TLL2: variants seen among roughly 807,000 people sequenced by gnomAD.
TLL2 encodes the protein tolloid-like protein 2.
In TLL2, 106 loss-of-function variants were observed where a neutral mutation model predicts 123.0. That is an observed-to-expected ratio of 0.86 (90% CI 0.74 to 1.01). TLL2 has a LOEUF of 1.01. Among genes scored for constraint, TLL2 ranks in the 50% least tolerant of loss-of-function variants. TLL2 has a pLI of 0.00. For synonymous variants in TLL2, 494 were observed against 516.8 expected, an observed-to-expected ratio of 0.96 and a Z score of 0.60; for missense variants, 1,332 against 1,336.7, an observed-to-expected ratio of 1.00 and a Z score of 0.06.
At chr10:96,494,617 G>A (rs11188797) in intron 1 of TLL2, among the ~76,000 whole-genome samples, 75,209 of 151,860 alleles carry the variant, frequency 0.5, 19,085 homozygotes, top group East Asian at 0.69. Context: ...CTTCCTACCC[G>A]TGGACCTAAT....
intron 1 of TLL2, among the ~76,000 whole-genome samples, chr10:96,489,430 G>A (rs1403154200): frequency 6.6e-6 from 1 of 152,194 alleles, no homozygotes; most frequent in Non-Finnish European, 1.5e-5. Flanking sequence ...ATGGGAGGCT[G>A]AGGCAGGAGG....
intron 8 of TLL2, among the ~76,000 whole-genome samples, chr10:96,411,257 C>CAAAAAAAAAAAAAAAAAAAA (rs56011735): frequency 1.1e-5 from 1 of 95,172 alleles, no homozygotes; most frequent in African/African-American, 4.4e-5. Context: ...GACTCTGTCT[C>CAAAAAAAAAAAAAAAAAAAA]AAAAAAAAAA....
intron 2 of TLL2, among the ~76,000 whole-genome samples, chr10:96,465,082 C>T (rs762036059): frequency 1.3e-5 from 2 of 152,208 alleles, no homozygotes; most frequent in Non-Finnish European, 2.9e-5. Context: ...AAGAGACCAA[C>T]TCCAGTCCTC....
intron 15 of TLL2, among the ~76,000 whole-genome samples, chr10:96,385,849 G>A (rs1846229008): frequency 6.6e-6 from 1 of 152,182 alleles, no homozygotes; most frequent in Admixed American, 6.5e-5. Context: ...AGCGACAAGA[G>A]GGCCGGAGGT....
At chr10:96,402,053 A>G (rs1846402553) in intron 10 of TLL2, among the ~76,000 whole-genome samples, 1 of 152,166 alleles carries the variant, frequency 6.6e-6, no homozygotes, top group South Asian at 2.1e-4. Flanking sequence ...TTTTCTCATA[A>G]AAGTGTGGGA....
intron 2 of TLL2, among the ~76,000 whole-genome samples, chr10:96,468,319 T>A (rs559364762): frequency 6.6e-6 from 1 of 152,024 alleles, no homozygotes; most frequent in South Asian, 2.1e-4. Flanking sequence ...AGGCATTCAG[T>A]AGGGGACACT....
intron 2 of TLL2, among the ~76,000 whole-genome samples, chr10:96,473,452 G>T (rs184215300): frequency 0.01 from 1,545 of 152,126 alleles, 31 homozygotes; most frequent in African/African-American, 0.035. Flanking sequence ...TAAATACAAT[G>T]AAAAAAGAAA....
chr10:96,422,855 C>T, intron 5 of TLL2, 128 bp from the exon 6 acceptor site: 2 of 1,135,562 alleles, frequency 1.8e-6, no homozygotes, highest in Admixed American at 2.1e-5. Flanking sequence ...AGGCCGGGTG[C>T]AGTGGCTTAC....
chr10:96,442,149 C>A (rs536317898), intron 3 of TLL2, among the ~76,000 whole-genome samples: 1 of 152,128 alleles, frequency 6.6e-6, no homozygotes, highest in African/African-American at 2.4e-5. Flanking sequence ...AAGGGTCTGC[C>A]GGAGGGGATG....
intron 2 of TLL2, among the ~76,000 whole-genome samples, chr10:96,446,601 A>G (rs899545986): frequency 2.6e-5 from 4 of 152,112 alleles, no homozygotes; most frequent in African/African-American, 4.8e-5. Context: ...CGAATACTCA[A>G]TGCGTCCTGT....
At chr10:96,448,369 G>A (rs989988700) in intron 2 of TLL2, among the ~76,000 whole-genome samples, 1 of 152,206 alleles carries the variant, frequency 6.6e-6, no homozygotes, top group Non-Finnish European at 1.5e-5. Context: ...CCTGTGGTGT[G>A]GAGGCGAGCT....
chr10:96,496,851 C>T (rs932152868), intron 1 of TLL2, among the ~76,000 whole-genome samples: 11 of 152,300 alleles, frequency 7.2e-5, no homozygotes, highest in African/African-American at 2.6e-4. Context: ...CTTCTTTGAG[C>T]ACTGTAAGGT....
intron 9 of TLL2, among the ~76,000 whole-genome samples, chr10:96,409,008 A>G (rs1306906021): frequency 2.6e-5 from 4 of 152,216 alleles, no homozygotes; most frequent in Admixed American, 2.6e-4. Flanking sequence ...AATGCTCACA[A>G]TGGTTCCTAG....
intron 5 of TLL2, among the ~76,000 whole-genome samples, chr10:96,423,617 C>T (rs1846647634): frequency 6.6e-6 from 1 of 152,046 alleles, no homozygotes; most frequent in South Asian, 2.1e-4. Flanking sequence ...ACAAGCAAAA[C>T]AAATAAAAAC....
intron 1 of TLL2, among the ~76,000 whole-genome samples, chr10:96,490,602 T>C (rs1847403236): frequency 6.6e-6 from 1 of 152,236 alleles, no homozygotes; most frequent in Admixed American, 6.5e-5. Context: ...ACACCAAAAT[T>C]AATTTCAAAT....
At chr10:96,388,845 C>A (rs1456112158) in intron 13 of TLL2, among the ~76,000 whole-genome samples, 1 of 152,200 alleles carries the variant, frequency 6.6e-6, no homozygotes. Context: ...ACATAGGGGA[C>A]AGTGAACTTG....
rs185014157 is a variant in TLL2, at chr10:96,480,542, T to A, written c.176-83A>T. The A allele has an allele frequency of 1.7e-5, 19 of 1,098,746 alleles. No individual in the cohort carries two copies. In the East Asian group the frequency reaches 4.5e-4, roughly 26 times the overall value. The allele number at this position is 1,098,746 out of a possible 1,614,324, so 68.1% of individuals were successfully genotyped here. A position where few individuals can be genotyped will look rare whatever the true frequency, so the allele number is the denominator to read the frequency against. On this transcript the variant is annotated intron_variant, in intron 1 of 20. Transcript: ENST00000357947. ...CACTAATGCCCCAAAGGGCATTGGG[T>A]GTTGGGTGGTAAACTTTGGAAAAGA...
At chr10:96,407,882 CGT>C (rs201335865) in intron 9 of TLL2, among the ~76,000 whole-genome samples, 2,623 of 152,254 alleles carry the variant, frequency 0.017, 67 homozygotes, top group African/African-American at 0.059. Context: ...CACGTGTGTG[CGT>C]GTGTGTGCAT....
chr10:96,470,489 A>C (rs1359071303), intron 2 of TLL2, among the ~76,000 whole-genome samples: 1 of 152,244 alleles, frequency 6.6e-6, no homozygotes. Flanking sequence ...GCAGATGCTG[A>C]ATAAATAATA....
Sources: gnomAD v4.1 joint callset for allele counts (sites outside exome capture counted in the v4.1 genomes callset) on GRCh38, gnomAD v4.1.1 for gene constraint, MANE v1.5 for transcripts, NCBI Gene and HGNC (gene_info 2026-07-23, HGNC 2026-07-21) for gene names.